ST14: variants seen among roughly 807,000 people sequenced by gnomAD.
ST14 encodes the protein suppressor of tumorigenicity 14 protein.
Under a neutral mutation model 96.5 loss-of-function variants are expected in ST14, and 40 were observed. The observed-to-expected ratio is 0.41, with a 90% CI of 0.32 to 0.54. The LOEUF (loss-of-function observed/expected upper bound fraction) is 0.54, where lower values mean the gene tolerates loss of function less well. ST14 is among the 20% of genes least tolerant of loss of function. ST14 has a pLI of 0.17. For missense variants in ST14, 1,066 were observed against 1,188.9 expected (o/e 0.90, Z 1.52); for synonymous variants, 506 against 492.1 (o/e 1.03, Z -0.37).
intron 15 of ST14, 81 bp downstream of exon 15, chr11:130,199,150 T>A: frequency 7.1e-7 from 1 of 1,411,412 alleles, no homozygotes. Flanking sequence ...GGAGGTGCAA[T>A]CCCGCCAGCA....
In ST14 at chr11:130,188,306, C is replaced by G. The variant is rs370125737; in HGVS notation, c.241+33C>G. The G allele has an allele frequency of 2.0e-5, 32 of 1,601,980 alleles. No individual in the cohort carries two copies. Among genetic ancestry groups the G allele is most frequent in the Non-Finnish European group, 2.7e-5 (32 of 1,173,154 alleles). On this transcript the variant is annotated intron_variant, in intron 2 of 18. Coordinates refer to ENST00000278742, the MANE Select transcript of ST14 (RefSeq NM_021978.4). The surrounding 1 kb of genome is among the most constrained non-coding windows in gnomAD (Gnocchi z 5.4). Reference sequence around the variant, plus strand: ...AAGCTGGGGCTGGCTCCGGGGAGGACGACAAGGGGTGGCTGTCCCTCTTCC... The same window carrying G: ...AAGCTGGGGCTGGCTCCGGGGAGGAGGACAAGGGGTGGCTGTCCCTCTTCC...
rs748222427 is a variant in ST14, at chr11:130,209,656, G to T, written c.2407-6G>T. On this transcript the variant is annotated splice_region_variant and splice_polypyrimidine_tract_variant and intron_variant, in intron 18 of 18. Transcript: ENST00000278742. ...GGGACTCACGGCAGGGCTTGTCTCC[G>T]CCCAGGGTGATTCCGGGGGACCCCT... is the stretch of plus-strand genomic sequence containing the variant. The T allele has an allele frequency of 1.4e-5, 23 of 1,606,820 alleles. No homozygotes were observed. In the Middle Eastern group the frequency reaches 3.2e-3, roughly 224 times the overall value.
In ST14 at chr11:130,194,677, C is replaced by G; in HGVS notation, c.1053C>G (p.Phe351Leu). ...GGRLRKAQGTFNSPYYPGHYP... is the reference protein window; with the variant it reads ...GGRLRKAQGTLNSPYYPGHYP... ...GCTTACGTAAAGCCCAGGGGACATT[C>G]AACAGCCCCTACTACCCAGGCCACT... Residue 351 changes from phenylalanine to leucine, a missense_variant, in exon 9 of 19, where the codon TTC becomes TTG. Phe to Leu is a conservative substitution (Grantham distance 22). Coordinates refer to ENST00000278742, the MANE Select transcript of ST14 (RefSeq NM_021978.4). 1 of 1,614,202 alleles carries G rather than the reference C, an allele frequency of 6.2e-7. No homozygotes were observed.
chr11:130,209,850 C>T lies in ST14; in HGVS notation c.*27C>T, dbSNP rs192261064. On this transcript the variant is annotated 3_prime_UTR_variant, in exon 19 of 19. Transcript: ENST00000278742. ...GGCCGGGGCCACCCAAATGTGTACA[C>T]CTGCGGGGCCACCCATCGTCCACCC... 535 of 1,610,852 alleles carry T rather than the reference C, an allele frequency of 3.3e-4. 3 individuals carry two copies. The African/African-American group carries it at 6.0e-3, about 18-fold the overall frequency.
At chr11:130,203,201 G>T (rs553528536) in intron 16 of ST14, among the ~76,000 whole-genome samples, 1 of 152,270 alleles carries the variant, frequency 6.6e-6, no homozygotes, top group South Asian at 2.1e-4. Context: ...CTGGATGGGG[G>T]TGTCCATGCT....
chr11:130,191,964 C>G (rs1384474827), intron 7 of ST14, among the ~76,000 whole-genome samples: 1 of 152,190 alleles, frequency 6.6e-6, no homozygotes, highest in East Asian at 1.9e-4. Context: ...TTTCCTATCT[C>G]TAAGCATTGG....
chr11:130,173,318 C>T (rs1418945604), intron 1 of ST14, among the ~76,000 whole-genome samples: 1 of 152,180 alleles, frequency 6.6e-6, no homozygotes, highest in Non-Finnish European at 1.5e-5. Flanking sequence ...AACTGAAAGG[C>T]TGGGCGCGGT....
chr11:130,189,661 G>A (rs752467116), intron 4 of ST14, 78 bp from the exon 5 acceptor site: 1 of 1,582,450 alleles, frequency 6.3e-7, no homozygotes, highest in African/African-American at 1.3e-5. Context: ...AGCCGCCCAT[G>A]TGTCCTGGAG....
intron 1 of ST14, among the ~76,000 whole-genome samples, chr11:130,182,449 A>G (rs2136208972): frequency 6.6e-6 from 1 of 151,736 alleles, no homozygotes; most frequent in African/African-American, 2.4e-5. Flanking sequence ...CAACCTCCCG[A>G]GTAGCCAGGA....
At chr11:130,200,519 C>G (rs1162136200) in intron 16 of ST14, among the ~76,000 whole-genome samples, 1 of 152,088 alleles carries the variant, frequency 6.6e-6, no homozygotes, top group African/African-American at 2.4e-5. Context: ...TCACCCATCA[C>G]CATGGGAAGG....
Position 130,190,438 on chromosome 11 carries a change from C to T in ST14, c.635-16C>T, listed in dbSNP as rs1391079645. The T allele has an allele frequency of 6.2e-7, 1 of 1,605,300 alleles. No individual in the cohort carries two copies. Among genetic ancestry groups the T allele is most frequent in the South Asian group, 1.1e-5 (1 of 91,084 alleles). ...CCCTGCCCCCACACGTGCCCTCCTT[C>T]TTGTCTCCTGCGCAGACAGCTGCAG... On this transcript the variant is annotated splice_polypyrimidine_tract_variant and intron_variant, in intron 6 of 18. Transcript: ENST00000278742.
chr11:130,161,347 A>AT (rs1952996902), intron 1 of ST14, among the ~76,000 whole-genome samples: 1 of 152,122 alleles, frequency 6.6e-6, no homozygotes, highest in Non-Finnish European at 1.5e-5. Context: ...GTCCTTGCTA[A>AT]TTGCCTACTT....
Position 130,163,946 on chromosome 11 carries a change from C to G in ST14, c.81+3886C>G, listed in dbSNP as rs554724184. 2.0e-4 allele frequency among the ~76,000 whole-genome samples: 31 copies of G among 152,304 alleles called. No individual in the cohort carries two copies. In the East Asian group the frequency reaches 4.3e-3, roughly 21 times the overall value. ...GAGAACGAGTCACAGCTCCCTCCCC[C>G]TACCTGACCCTCACTCTGCTCCCTG... On this transcript the variant is annotated intron_variant, in intron 1 of 18. Coordinates refer to ENST00000278742, the MANE Select transcript of ST14 (RefSeq NM_021978.4).
In ST14 at chr11:130,209,960, G is replaced by A. The variant is rs1953535245; in HGVS notation, c.*137G>A. On this transcript the variant is annotated 3_prime_UTR_variant, in exon 19 of 19. Transcript: ENST00000278742. ...ATACACTGTGAACTCAATCTCCAGG[G>A]CTCCAAATCTGCCTAGAAAACCTCT... 4 of 1,099,850 alleles carry A rather than the reference G, an allele frequency of 3.6e-6. No homozygotes were observed. The highest frequency in any genetic ancestry group is 1.6e-5 in the African/African-American group (1 of 63,800). 68.1% of individuals were successfully genotyped at this position (1,099,850 alleles called of 1,614,324 possible).
In ST14 at chr11:130,192,302, A is replaced by G. The variant is rs55712248; in HGVS notation, c.875+1608A>G. 4.7e-3 allele frequency among the ~76,000 whole-genome samples: 719 copies of G among 152,340 alleles called. 9 individuals are homozygous for G. The highest frequency in any genetic ancestry group is 0.017 in the African/African-American group (698 of 41,568). ...CTAATTTATTAATTGTACAACAAAG[A>G]AGTACATGTTCCCAGTGGGAGAAGG... On this transcript the variant is annotated intron_variant, in intron 7 of 18. Transcript: ENST00000278742.
intron 5 of ST14, 44 bp downstream of exon 5, chr11:130,189,940 C>T (rs1482541703): frequency 2.5e-6 from 4 of 1,613,256 alleles, no homozygotes; most frequent in Non-Finnish European, 3.4e-6. Context: ...GGCCAGCCTT[C>T]CATGGAGTGG....
At chr11:130,178,663 G>C (rs1953163580) in intron 1 of ST14, among the ~76,000 whole-genome samples, 1 of 152,216 alleles carries the variant, frequency 6.6e-6, no homozygotes, top group African/African-American at 2.4e-5. Context: ...TCCTTCAGTG[G>C]GAGTTCTTGG....
intron 16 of ST14, among the ~76,000 whole-genome samples, chr11:130,204,467 A>C (rs939123948): frequency 6.6e-6 from 1 of 152,186 alleles, no homozygotes; most frequent in African/African-American, 2.4e-5. Context: ...TAGGTTGGAA[A>C]ACTGAGCTTT....
chr11:130,209,384 C>T (rs1591899201), intron 17 of ST14, 58 bp from the exon 18 acceptor site: 9 of 1,550,110 alleles, frequency 5.8e-6, no homozygotes, highest in Middle Eastern at 3.6e-4. Context: ...GGGAGCGTCT[C>T]GAATGACGCT....
Sources: gnomAD v4.1 joint callset for allele counts (sites outside exome capture counted in the v4.1 genomes callset) on GRCh38, gnomAD v4.1.1 for gene constraint, Gnocchi (gnomAD v3.1) non-coding constraint, MANE v1.5 for transcripts, NCBI Gene and HGNC (gene_info 2026-07-23, HGNC 2026-07-21) for gene names.